Variants in FOXO1 observed in about 807,000 individuals in gnomAD.
FOXO1 encodes forkhead box protein O1.
In FOXO1, 6 loss-of-function variants were observed where a neutral mutation model predicts 44.1. The ratio of observed to expected loss-of-function variants is 0.14; its 90% CI spans 0.07 to 0.27. The LOEUF is 0.27. FOXO1 is among the 10% of genes least tolerant of loss of function. The probability of loss-of-function intolerance (pLI) is 1.00; values close to 1 mark genes in which losing one functional copy is unlikely to be tolerated. For synonymous variants in FOXO1, 380 were observed against 362.7 expected, an observed-to-expected ratio of 1.05 and a Z score of -0.54; for missense variants, 737 against 888.8, an observed-to-expected ratio of 0.83 and a Z score of 2.17.
chr13:40,644,343 A>G (rs1215393136), intron 1 of FOXO1, among the ~76,000 whole-genome samples: 1 of 152,190 alleles, frequency 6.6e-6, no homozygotes, highest in Non-Finnish European at 1.5e-5. Flanking sequence ...CCCCAAGGGG[A>G]GCCAAGTAGG....
intron 1 of FOXO1, among the ~76,000 whole-genome samples, chr13:40,584,469 CAAAAAAAAAAAAAAAAAAA>C (rs55733141): frequency 5.5e-4 from 35 of 63,114 alleles, no homozygotes; most frequent in African/African-American, 1.7e-3. Flanking sequence ...ACAAAAAATG[CAAAAAAAAAAAAAAAAAAA>C]AAAAAAAAAA....
intron 1 of FOXO1, among the ~76,000 whole-genome samples, chr13:40,567,152 C>T (rs1031254133): frequency 6.6e-6 from 1 of 152,016 alleles, no homozygotes; most frequent in African/African-American, 2.4e-5. Context: ...CCACGGGTCT[C>T]CACACCACTG....
chr13:40,613,122 C>T (rs1001515316), intron 1 of FOXO1, among the ~76,000 whole-genome samples: 6 of 152,164 alleles, frequency 3.9e-5, no homozygotes, highest in African/African-American at 1.2e-4. Flanking sequence ...TAAAAAAGAA[C>T]ACCTCATGCC....
intron 1 of FOXO1, among the ~76,000 whole-genome samples, chr13:40,587,389 G>T (rs890890021): frequency 6.6e-6 from 1 of 152,084 alleles, no homozygotes; most frequent in Non-Finnish European, 1.5e-5. Context: ...AAAATGACTG[G>T]AAAGTCCAGA....
chr13:40,645,432 G>A (rs1434058294), intron 1 of FOXO1, among the ~76,000 whole-genome samples: 1 of 152,088 alleles, frequency 6.6e-6, no homozygotes, highest in Non-Finnish European at 1.5e-5. Flanking sequence ...CTCTTTACAG[G>A]CCTTAAGGTG....
chr13:40,665,622 G>A lies in FOXO1; in HGVS notation c.591C>T (p.Phe197=), dbSNP rs750923164. Residue 197 remains phenylalanine, a synonymous_variant, in exon 1 of 3, where the codon TTC becomes TTT. Transcript: ENST00000379561. ...YEWMVKSVPY[F]KDKGDSNSSA... ...AGCTGTTGCTGTCACCCTTATCCTT[G>A]AAGTAGGGCACGCTCTTGACCATCC... is the stretch of plus-strand genomic sequence containing the variant. The A allele has an allele frequency of 2.7e-6, 4 of 1,479,032 alleles. No homozygotes were observed. The highest frequency in any genetic ancestry group is 2.7e-6 in the Non-Finnish European group (3 of 1,101,742). 91.6% of individuals were successfully genotyped at this position (1,479,032 alleles called of 1,614,324 possible). A position where few individuals can be genotyped will look rare whatever the true frequency, so the allele number is the denominator to read the frequency against.
chr13:40,662,163 T>A lies in FOXO1; in HGVS notation c.630+3420A>T, dbSNP rs1457748640. Among the ~76,000 whole-genome samples the A allele has an allele frequency of 6.0e-5, 6 of 100,412 alleles. No homozygotes were observed. In the Admixed American group the frequency reaches 8.5e-4, roughly 14 times the overall value. 65.9% of individuals were successfully genotyped at this position (100,412 alleles called of 152,430 possible). On this transcript the variant is annotated intron_variant, in intron 1 of 2. Coordinates refer to ENST00000379561, the MANE Select transcript of FOXO1 (RefSeq NM_002015.4). ...TCCAGCCTGGGCAACAGAGTGAGAC[T>A]CTGACTCAAAAAAAAAAAAAAAAAA...
rs1162441313 is a variant in FOXO1 at position 40,611,890 on chromosome 13, T to A, written c.631-51030A>T. ...GAGTTCAAAACTACCCTGGGCAACA[T>A]GGCAAAACCCCGTCTCTACTGAAAA... On this transcript the variant is annotated intron_variant, in intron 1 of 2. Transcript: ENST00000379561. Among the ~76,000 whole-genome samples, 6 of 152,018 alleles carry A rather than the reference T, an allele frequency of 3.9e-5. No homozygotes were observed. The East Asian group carries it at 1.2e-3, about 29-fold the overall frequency.
At position 40,560,858 on chromosome 13, in the gene FOXO1, A is replaced by G. The variant is rs1412987183; in HGVS notation, c.633T>C (p.Asn211=). ...GDSNSSAGWK[N]SIRHNLSLHS... The stretch of plus-strand genomic sequence containing the variant: ...GTAGGGACAGATTATGACGAATTGA[A>G]TTCTGTAAGGCAAAACATCTTATTA... The change falls in exon 2 of 3, where the codon AAT becomes AAC. Residue 211 remains asparagine (N), a splice_region_variant and synonymous_variant. Transcript: ENST00000379561. This position sits in a 1 kb window ranked among gnomAD's most constrained non-coding sequence, Gnocchi z 5.1. The G allele has an allele frequency of 6.2e-7, 1 of 1,600,002 alleles. No homozygotes were observed. The highest frequency in any genetic ancestry group is 8.5e-7 in the Non-Finnish European group (1 of 1,173,916).
In FOXO1 at chr13:40,666,493, C is replaced by A; in HGVS notation, c.-281G>T. The A allele has an allele frequency of 3.0e-6, 1 of 335,452 alleles. No homozygotes were observed. Among genetic ancestry groups the A allele is most frequent in the Non-Finnish European group, 5.4e-6 (1 of 184,940 alleles). The allele number at this position is 335,452 out of a possible 1,614,324, so 20.8% of individuals were successfully genotyped here. On this transcript the variant is annotated 5_prime_UTR_variant, in exon 1 of 3. Coordinates refer to ENST00000379561, the MANE Select transcript of FOXO1 (RefSeq NM_002015.4). ...GCCGGGGCAGAGCCTGCGCCGCGCT[C>A]CAGCTGACAGGGCCGCGGACGGAAG...
chr13:40,580,454 T>C (rs1874913427), intron 1 of FOXO1, among the ~76,000 whole-genome samples: 1 of 152,200 alleles, frequency 6.6e-6, no homozygotes, highest in African/African-American at 2.4e-5. Flanking sequence ...GTACTGGCAC[T>C]TAGCAAATGT....
chr13:40,606,289 G>GTTTCTTTCTTTCTT (rs1566073687), intron 1 of FOXO1, among the ~76,000 whole-genome samples: 1 of 151,954 alleles, frequency 6.6e-6, no homozygotes, highest in South Asian at 2.1e-4. Flanking sequence ...TGGTTGGTTG[G>GTTTCTTTCTTTCTT]TTTCTTTCTT....
At chr13:40,658,284 C>A (rs888648542) in intron 1 of FOXO1, among the ~76,000 whole-genome samples, 1 of 152,060 alleles carries the variant, frequency 6.6e-6, no homozygotes, top group Non-Finnish European at 1.5e-5. Flanking sequence ...CGGGTAGGAA[C>A]GGAAAGTCTC....
chr13:40,628,391 C>A lies in FOXO1; in HGVS notation c.630+37192G>T, dbSNP rs865804666. On this transcript the variant is annotated intron_variant, in intron 1 of 2. Coordinates refer to ENST00000379561, the MANE Select transcript of FOXO1 (RefSeq NM_002015.4). ...CACACACACACACACACACACACAC[C>A]CCGTGAGGGTTTCAGTCTTCCCGGG... Among the ~76,000 whole-genome samples, 13 of 120,034 alleles carry A rather than the reference C, an allele frequency of 1.1e-4. No homozygotes were observed. In the South Asian group the frequency reaches 1.8e-3, roughly 16 times the overall value. The allele number at this position is 120,034 out of a possible 152,430, so 78.7% of individuals were successfully genotyped here.
chr13:40,637,288 C>T (rs185356498), intron 1 of FOXO1, among the ~76,000 whole-genome samples: 1 of 151,844 alleles, frequency 6.6e-6, no homozygotes, highest in African/African-American at 2.4e-5. Flanking sequence ...ACTAAAAATA[C>T]AAAAAATTAG....
intron 1 of FOXO1, among the ~76,000 whole-genome samples, chr13:40,615,421 G>A (rs1455941632): frequency 6.6e-6 from 1 of 152,070 alleles, no homozygotes; most frequent in South Asian, 2.1e-4. Flanking sequence ...TATAATCCCA[G>A]CTACTTGGGA....
intron 1 of FOXO1, among the ~76,000 whole-genome samples, chr13:40,613,600 G>A (rs1334096800): frequency 6.6e-6 from 1 of 152,150 alleles, no homozygotes; most frequent in African/African-American, 2.4e-5. Context: ...TGTGTACAGG[G>A]AGTGTGGCCA....
At chr13:40,612,750 T>A (rs1289387124) in intron 1 of FOXO1, among the ~76,000 whole-genome samples, 1 of 152,218 alleles carries the variant, frequency 6.6e-6, no homozygotes, top group South Asian at 2.1e-4. Context: ...TATACTGTTA[T>A]TATTGGTCTG....
At chr13:40,637,038 G>A (rs1260865131) in intron 1 of FOXO1, among the ~76,000 whole-genome samples, 1 of 152,162 alleles carries the variant, frequency 6.6e-6, no homozygotes, top group African/African-American at 2.4e-5. Context: ...GAGGCATGAA[G>A]ATTAAGAACT....
Sources: allele counts gnomAD v4.1 joint callset (sites outside exome capture counted in the v4.1 genomes callset), GRCh38; gene constraint gnomAD v4.1.1; non-coding constraint Gnocchi (gnomAD v3.1); transcripts MANE v1.5; gene names NCBI Gene and HGNC (gene_info 2026-07-23, HGNC 2026-07-21).